Variants in SENP7 observed in about 807,000 individuals in gnomAD.
The protein encoded by SENP7 is SUMO specific peptidase 7.
Under a neutral mutation model 141.2 loss-of-function variants are expected in SENP7, and 64 were observed. The observed-to-expected ratio is 0.45, with a 90% CI of 0.37 to 0.56. The LOEUF is 0.56. Ranked by LOEUF, SENP7 falls within the 20% of genes least tolerant of loss-of-function variation. The pLI is 0.00. For synonymous variants in SENP7, 382 were observed against 426.4 expected, an observed-to-expected ratio of 0.90 and a Z score of 1.28; for missense variants, 1,025 against 1,212.2, an observed-to-expected ratio of 0.85 and a Z score of 2.29.
intron 4 of SENP7, among the ~76,000 whole-genome samples, chr3:101,418,533 G>A (rs1329607915): frequency 6.6e-6 from 1 of 152,198 alleles, no homozygotes; most frequent in Admixed American, 6.5e-5. Flanking sequence ...AGGAATGGCT[G>A]AAAGTACTGG....
intron 4 of SENP7, among the ~76,000 whole-genome samples, chr3:101,426,669 C>T (rs752243913): frequency 7.9e-5 from 12 of 151,624 alleles, no homozygotes; most frequent in South Asian, 4.2e-4. Flanking sequence ...TCAGTAGGGA[C>T]GGGGGTTTCA....
intron 6 of SENP7, among the ~76,000 whole-genome samples, chr3:101,377,688 C>T (rs2682390): frequency 0.32 from 48,567 of 151,974 alleles, 8,262 homozygotes; most frequent in Non-Finnish European, 0.38. Context: ...TTTTTAGAGC[C>T]TAATCAAGCA....
rs553200517 is a variant in SENP7, at chr3:101,471,442, T to C, written c.187-12390A>G. Among the ~76,000 whole-genome samples, 368 of 152,294 alleles carry C rather than the reference T, an allele frequency of 2.4e-3. 1 individual carries two copies. Among genetic ancestry groups the C allele is most frequent in the African/African-American group, 8.2e-3 (340 of 41,550 alleles). Reference sequence around the variant, plus strand: ...AATAAATGGTGCTGGGAAAACTGGCTAGCCATATGTAGAAAACTGAAACTG... The same window carrying C: ...AATAAATGGTGCTGGGAAAACTGGCCAGCCATATGTAGAAAACTGAAACTG... On this transcript the variant is annotated intron_variant, in intron 3 of 23. Coordinates refer to ENST00000394095, the MANE Select transcript of SENP7 (RefSeq NM_020654.5).
chr3:101,508,412 T>C (rs1280334881), intron 1 of SENP7, among the ~76,000 whole-genome samples: 1 of 151,982 alleles, frequency 6.6e-6, no homozygotes. Context: ...CTGGCTAACA[T>C]GGTGAAACCC....
intron 4 of SENP7, among the ~76,000 whole-genome samples, chr3:101,427,966 G>A (rs1161448620): frequency 6.6e-6 from 1 of 151,994 alleles, no homozygotes; most frequent in South Asian, 2.1e-4. Context: ...CTCTTCTTGT[G>A]TTTCTTTTGT....
intron 4 of SENP7, among the ~76,000 whole-genome samples, chr3:101,422,819 G>GA (rs1047709255): frequency 2.6e-5 from 4 of 151,104 alleles, no homozygotes; most frequent in South Asian, 2.1e-4. Context: ...AATCACAGCA[G>GA]AAAAAAAATA....
chr3:101,490,451 T>C (rs2064919083), intron 3 of SENP7, among the ~76,000 whole-genome samples: 1 of 152,022 alleles, frequency 6.6e-6, no homozygotes, highest in Non-Finnish European at 1.5e-5. Context: ...ATCAGAAGAA[T>C]GGTTGCCAGA....
chr3:101,486,692 T>C (rs189352444), intron 3 of SENP7, among the ~76,000 whole-genome samples: 33 of 152,126 alleles, frequency 2.2e-4, no homozygotes, highest in Admixed American at 9.2e-4. Flanking sequence ...AAAATAAAAA[T>C]ACAAGTTAAA....
intron 6 of SENP7, among the ~76,000 whole-genome samples, chr3:101,375,648 T>C (rs977504202): frequency 1.3e-5 from 2 of 151,036 alleles, no homozygotes; most frequent in East Asian, 1.9e-4. Flanking sequence ...AGCAGGTACA[T>C]GAACAGATTC....
At chr3:101,508,642 G>C (rs956370362) in intron 1 of SENP7, among the ~76,000 whole-genome samples, 19 of 152,126 alleles carry the variant, frequency 1.2e-4, no homozygotes, top group Non-Finnish European at 1.9e-4. Context: ...GTTCCTTACA[G>C]CTTTAAGGAA....
rs150619405 is a variant in SENP7 at position 101,352,605 on chromosome 3, T to G, written c.1624-954A>C. On this transcript the variant is annotated intron_variant, in intron 11 of 23. Coordinates refer to ENST00000394095, the MANE Select transcript of SENP7 (RefSeq NM_020654.5). Reference sequence around the variant, plus strand: ...CTTACATGTACTATCTAAAGCAGACTTCTGCTTTGAAGTTTGTGTTTCCAT... The same window carrying G: ...CTTACATGTACTATCTAAAGCAGACGTCTGCTTTGAAGTTTGTGTTTCCAT... 3.9e-5 allele frequency among the ~76,000 whole-genome samples: 6 copies of G among 152,154 alleles called. No individual in the cohort carries two copies. The East Asian group carries it at 1.2e-3, about 29-fold the overall frequency.
intron 11 of SENP7, chr3:101,357,746 T>C: frequency 1.5e-6 from 1 of 654,152 alleles, no homozygotes; most frequent in Non-Finnish European, 2.8e-6. Flanking sequence ...TAAGACATAC[T>C]GGAAAAAAAA....
At chr3:101,375,542 CCAAAAAAA>C (rs1184985297) in intron 6 of SENP7, among the ~76,000 whole-genome samples, 2 of 25,510 alleles carry the variant, frequency 7.8e-5, no homozygotes, top group African/African-American at 3.8e-4. Context: ...AATTCCATCT[CCAAAAAAA>C]AAAAAAAAAA....
At chr3:101,387,833 C>T (rs1182139712) in intron 6 of SENP7, among the ~76,000 whole-genome samples, 2 of 152,250 alleles carry the variant, frequency 1.3e-5, no homozygotes, top group East Asian at 1.9e-4. Context: ...ACTGCCATCA[C>T]TGCCAATGAG....
At chr3:101,512,519 C>T (rs2065901036) in intron 1 of SENP7, among the ~76,000 whole-genome samples, 1 of 152,190 alleles carries the variant, frequency 6.6e-6, no homozygotes, top group Admixed American at 6.5e-5. Flanking sequence ...TTGGAAGACG[C>T]AGGGTAGGCT....
intron 16 of SENP7, among the ~76,000 whole-genome samples, chr3:101,339,794 G>T (rs1430423927): frequency 6.6e-6 from 1 of 151,342 alleles, no homozygotes; most frequent in East Asian, 1.9e-4. Flanking sequence ...TTTGTAATTT[G>T]TAAGTAACTT....
chr3:101,473,633 C>A (rs578190390), intron 3 of SENP7, among the ~76,000 whole-genome samples: 1 of 152,038 alleles, frequency 6.6e-6, no homozygotes, highest in Admixed American at 6.6e-5. Flanking sequence ...GCAGTATATT[C>A]GACTTCTGTC....
At chr3:101,327,911 G>A (rs1483069652) in intron 22 of SENP7, 95 bp from the exon 23 acceptor site, 2 of 1,074,174 alleles carry the variant, frequency 1.9e-6, no homozygotes, top group Non-Finnish European at 2.6e-6. Flanking sequence ...GTTGCCAGAT[G>A]TGCTGTCTCA....
At chr3:101,468,659 G>A (rs1251777886) in intron 3 of SENP7, among the ~76,000 whole-genome samples, 23 of 152,180 alleles carry the variant, frequency 1.5e-4, no homozygotes, top group Non-Finnish European at 8.8e-5. Context: ...AGCAAATGCT[G>A]AGAGATTTCG....
Sources: gnomAD v4.1 joint callset for allele counts (sites outside exome capture counted in the v4.1 genomes callset) on GRCh38, gnomAD v4.1.1 for gene constraint, MANE v1.5 for transcripts, NCBI Gene and HGNC (gene_info 2026-07-23, HGNC 2026-07-21) for gene names.